The following LOC128706666 variants were observed in gnomAD, a reference collection of about 807,000 sequenced individuals.
the LOC128706666 span, among the ~76,000 whole-genome samples, chr20:10,417,029 C>T: frequency 1.3e-4 from 20 of 151,956 alleles, no homozygotes; most frequent in Non-Finnish European, 2.6e-4. Context: ...TGAATAGTCG[C>T]TAATAATTAT....
At chr20:10,423,999 G>C in the LOC128706666 span, among the ~76,000 whole-genome samples, 1 of 152,134 alleles carries the variant, frequency 6.6e-6, no homozygotes, top group African/African-American at 2.4e-5. Context: ...GGGGGTGAGA[G>C]AGCAAGTAAC....
the LOC128706666 span, among the ~76,000 whole-genome samples, chr20:10,432,649 C>T: frequency 6.6e-6 from 1 of 152,044 alleles, no homozygotes; most frequent in Non-Finnish European, 1.5e-5. Context: ...CAAAAATTAG[C>T]CAGGTGCAGT....
At chr20:10,413,745 A>G in the LOC128706666 span, 28 of 603,548 alleles carry the variant, frequency 4.6e-5, no homozygotes, top group Non-Finnish European at 8.1e-5. Flanking sequence ...TCACTCTTCA[A>G]TACTCTTTTG....
the LOC128706666 span, among the ~76,000 whole-genome samples, chr20:10,416,373 A>G: frequency 1.3e-5 from 2 of 152,182 alleles, no homozygotes; most frequent in African/African-American, 2.4e-5. Context: ...TCTGCCCAAA[A>G]GTAAGGATGT....
the LOC128706666 span, among the ~76,000 whole-genome samples, chr20:10,431,510 A>G: frequency 6.7e-6 from 1 of 149,702 alleles, no homozygotes; most frequent in Admixed American, 6.7e-5. Flanking sequence ...ACATAACTCA[A>G]TGCTGTATAG....
chr20:10,414,271 T>C, the LOC128706666 span, among the ~76,000 whole-genome samples: 1 of 151,154 alleles, frequency 6.6e-6, no homozygotes, highest in Non-Finnish European at 1.5e-5. Context: ...GAGTCTTTTT[T>C]TTTTTTTTTT....
chr20:10,431,379 T>C, the LOC128706666 span, among the ~76,000 whole-genome samples: 304 of 152,276 alleles, frequency 2.0e-3, 1 homozygote, highest in African/African-American at 6.9e-3. Context: ...GCTCACTTAG[T>C]GTCTATTAGG....
the LOC128706666 span, among the ~76,000 whole-genome samples, chr20:10,429,411 T>C: frequency 1.6e-4 from 24 of 152,334 alleles, 1 homozygote; most frequent in Non-Finnish European, 2.1e-4. Flanking sequence ...ATCCCCAAAC[T>C]TCTATGATCA....
chr20:10,420,753 G>T, the LOC128706666 span: 2 of 152,180 alleles, frequency 1.3e-5, no homozygotes, highest in Non-Finnish European at 2.9e-5. Flanking sequence ...TTCAGCATCA[G>T]TGTACCTAAG....
chr20:10,431,248 C>T, the LOC128706666 span, among the ~76,000 whole-genome samples: 1 of 152,080 alleles, frequency 6.6e-6, no homozygotes, highest in African/African-American at 2.4e-5. Context: ...TGGGTTCCAA[C>T]TTATAAGGTG....
At chr20:10,416,932 CTATAT>C in the LOC128706666 span, among the ~76,000 whole-genome samples, 1 of 152,118 alleles carries the variant, frequency 6.6e-6, no homozygotes, top group South Asian at 2.1e-4. Flanking sequence ...GGTATAGACA[CTATAT>C]GATCTGCAAA....
At chr20:10,428,275 A>G in the LOC128706666 span, among the ~76,000 whole-genome samples, 13 of 152,262 alleles carry the variant, frequency 8.5e-5, no homozygotes, top group South Asian at 6.2e-4. Flanking sequence ...TTGGTGGAGG[A>G]GAGGGGAGTA....
the LOC128706666 span, among the ~76,000 whole-genome samples, chr20:10,419,279 T>C: frequency 6.6e-6 from 1 of 152,204 alleles, no homozygotes. Flanking sequence ...CAGTTCTTTA[T>C]CTGAAACTCC....
chr20:10,433,652 C>T, the LOC128706666 span, among the ~76,000 whole-genome samples: 2 of 152,168 alleles, frequency 1.3e-5, no homozygotes, highest in African/African-American at 2.4e-5. Context: ...ACGTAGCTGG[C>T]AGGGCCACGC....
chr20:10,431,114 G>A, the LOC128706666 span, among the ~76,000 whole-genome samples: 2 of 152,000 alleles, frequency 1.3e-5, no homozygotes, highest in Admixed American at 1.3e-4. Context: ...CTCAATACAC[G>A]GCAGCCATTA....
At chr20:10,423,336 G>A in the LOC128706666 span, among the ~76,000 whole-genome samples, 1 of 152,018 alleles carries the variant, frequency 6.6e-6, no homozygotes, top group African/African-American at 2.4e-5. Flanking sequence ...TAGGAGGATC[G>A]CTTGGACCTT....
the LOC128706666 span, among the ~76,000 whole-genome samples, chr20:10,433,671 G>T: frequency 6.6e-6 from 1 of 152,118 alleles, no homozygotes; most frequent in African/African-American, 2.4e-5. Flanking sequence ...GCTGCACAAC[G>T]TCTCTAACGC....
At chr20:10,419,258 TTACAGGG>T in the LOC128706666 span, among the ~76,000 whole-genome samples, 9 of 152,152 alleles carry the variant, frequency 5.9e-5, no homozygotes, top group African/African-American at 2.2e-4. Flanking sequence ...TGCTTTACAA[TTACAGGG>T]TCACAGTTCT....
the LOC128706666 span, among the ~76,000 whole-genome samples, chr20:10,429,759 G>A: frequency 2.6e-5 from 4 of 152,170 alleles, no homozygotes; most frequent in South Asian, 2.1e-4. Context: ...AGACCCTCGC[G>A]CCCTCACATG....
Sources: allele counts gnomAD v4.1 joint callset (sites outside exome capture counted in the v4.1 genomes callset), GRCh38; gene constraint gnomAD v4.1.1; transcripts MANE v1.5.